The following FHIT variants were observed in gnomAD, a reference collection of about 807,000 sequenced individuals.
FHIT encodes the protein bis(5'-adenosyl)-triphosphatase.
A neutral mutation model predicts 17.9 loss-of-function variants in FHIT; 19 were observed. The observed-to-expected ratio is 1.06, with a 90% CI of 0.74 to 1.56. The LOEUF (loss-of-function observed/expected upper bound fraction) is 1.56, where lower values mean the gene tolerates loss of function less well. FHIT is among the 40% of genes most tolerant of loss of function. The probability of loss-of-function intolerance (pLI) is 0.00; values close to 1 mark genes in which losing one functional copy is unlikely to be tolerated. For synonymous variants in FHIT, 81 were observed against 69.7 expected, an observed-to-expected ratio of 1.16 and a Z score of -0.81; for missense variants, 248 against 189.2, an observed-to-expected ratio of 1.31 and a Z score of -1.82.
chr3:59,825,281 G>C (rs548160594), intron 8 of FHIT, among the ~76,000 whole-genome samples: 63 of 152,214 alleles, frequency 4.1e-4, no homozygotes, highest in Non-Finnish European at 7.5e-4. Flanking sequence ...TTTAATTTCA[G>C]ACCTTGTCAT....
intron 5 of FHIT, among the ~76,000 whole-genome samples, chr3:60,184,498 G>GT (rs1356596347): frequency 6.6e-6 from 1 of 152,054 alleles, no homozygotes; most frequent in African/African-American, 2.4e-5. Flanking sequence ...TATGTCTATG[G>GT]TTTTTTGGGA....
intron 4 of FHIT, among the ~76,000 whole-genome samples, chr3:60,599,164 C>T (rs2107710246): frequency 6.6e-6 from 1 of 152,204 alleles, no homozygotes; most frequent in Admixed American, 6.5e-5. Flanking sequence ...CTCGATCTTA[C>T]AGAAGGGAGA....
At chr3:60,901,416 T>A (rs1706105774) in intron 3 of FHIT, among the ~76,000 whole-genome samples, 2 of 152,350 alleles carry the variant, frequency 1.3e-5, no homozygotes, top group South Asian at 4.1e-4. Context: ...AAGCCTAAGA[T>A]CTTTTATTAA....
intron 3 of FHIT, among the ~76,000 whole-genome samples, chr3:60,845,172 G>A (rs1281491824): frequency 6.6e-6 from 1 of 152,026 alleles, no homozygotes; most frequent in African/African-American, 2.4e-5. Context: ...TTGTAAAAAT[G>A]TTAGTGTTCC....
intron 5 of FHIT, among the ~76,000 whole-genome samples, chr3:60,482,653 G>A (rs1052942588): frequency 6.6e-5 from 10 of 152,054 alleles, no homozygotes; most frequent in Non-Finnish European, 1.3e-4. Flanking sequence ...CAACATATCA[G>A]AATCTCCGGG....
At chr3:60,484,287 T>C (rs2033743535) in intron 5 of FHIT, among the ~76,000 whole-genome samples, 1 of 152,162 alleles carries the variant, frequency 6.6e-6, no homozygotes, top group South Asian at 2.1e-4. Flanking sequence ...CAAACTACTA[T>C]TGACATCCCT....
intron 4 of FHIT, among the ~76,000 whole-genome samples, chr3:60,707,198 C>A (rs547014304): frequency 3.3e-5 from 5 of 152,290 alleles, no homozygotes; most frequent in Admixed American, 1.3e-4. Context: ...AGGCACTCTG[C>A]AAACCTTTTG....
intron 5 of FHIT, among the ~76,000 whole-genome samples, chr3:60,247,032 A>ACC (rs1705431437): frequency 6.6e-6 from 1 of 152,126 alleles, no homozygotes; most frequent in Admixed American, 6.6e-5. Context: ...AACATACATC[A>ACC]CTAAGAGTGA....
chr3:60,541,448 G>C (rs1484692644), intron 4 of FHIT, among the ~76,000 whole-genome samples: 1 of 152,110 alleles, frequency 6.6e-6, no homozygotes, highest in African/African-American at 2.4e-5. Context: ...GTACCACTTT[G>C]ATTTTTTGCT....
intron 3 of FHIT, among the ~76,000 whole-genome samples, chr3:60,995,047 G>A (rs578116220): frequency 3.3e-4 from 51 of 152,310 alleles, no homozygotes; most frequent in Middle Eastern, 3.4e-3. Context: ...CCAGCCAGGC[G>A]CGGTGGCTCA....
intron 5 of FHIT, among the ~76,000 whole-genome samples, chr3:60,247,212 T>C (rs985755853): frequency 1.7e-5 from 2 of 115,210 alleles, no homozygotes; most frequent in Non-Finnish European, 3.7e-5. Context: ...AAAACTGTTC[T>C]ACCAAGTAAG....
At chr3:59,952,827 G>A (rs928897951) in intron 7 of FHIT, among the ~76,000 whole-genome samples, 1 of 152,118 alleles carries the variant, frequency 6.6e-6, no homozygotes, top group Non-Finnish European at 1.5e-5. Context: ...TTATCCATTA[G>A]GGTCACACTC....
intron 3 of FHIT, among the ~76,000 whole-genome samples, chr3:60,882,369 C>G (rs1553758141): frequency 6.6e-6 from 1 of 152,052 alleles, no homozygotes; most frequent in African/African-American, 2.4e-5. Context: ...TTCTTTCAAG[C>G]TGATTCTACA....
At chr3:60,317,455 C>T (rs1709214685) in intron 5 of FHIT, among the ~76,000 whole-genome samples, 4 of 151,226 alleles carry the variant, frequency 2.6e-5, no homozygotes. Flanking sequence ...CCCCAGATCT[C>T]ATAAAATATT....
intron 8 of FHIT, among the ~76,000 whole-genome samples, chr3:59,813,715 G>T (rs1700488636): frequency 6.6e-6 from 1 of 152,162 alleles, no homozygotes; most frequent in Non-Finnish European, 1.5e-5. Flanking sequence ...GGGGAAGCTT[G>T]TCTTCCCCAC....
chr3:61,064,882 A>C (rs926118346), intron 2 of FHIT, among the ~76,000 whole-genome samples: 3 of 152,128 alleles, frequency 2.0e-5, no homozygotes, highest in African/African-American at 7.2e-5. Flanking sequence ...GCATGTGCCC[A>C]AGTCTAACAC....
intron 7 of FHIT, among the ~76,000 whole-genome samples, chr3:59,969,517 T>A (rs1441153870): frequency 6.6e-6 from 1 of 152,104 alleles, no homozygotes; most frequent in African/African-American, 2.4e-5. Context: ...GAAGTGCTTG[T>A]TTGCTTTTCA....
At chr3:60,978,575 C>T (rs1710362203) in intron 3 of FHIT, among the ~76,000 whole-genome samples, 1 of 152,146 alleles carries the variant, frequency 6.6e-6, no homozygotes, top group Non-Finnish European at 1.5e-5. Context: ...GTTGGAATTC[C>T]AACTCTGCAA....
chr3:60,366,092 T>G (rs1331291696), intron 5 of FHIT, among the ~76,000 whole-genome samples: 1 of 152,234 alleles, frequency 6.6e-6, no homozygotes, highest in Non-Finnish European at 1.5e-5. Flanking sequence ...ATTTTTGTTT[T>G]CAGAAAATGA....
Sources: gnomAD v4.1 joint callset for allele counts (sites outside exome capture counted in the v4.1 genomes callset) on GRCh38, gnomAD v4.1.1 for gene constraint, MANE v1.5 for transcripts, NCBI Gene and HGNC (gene_info 2026-07-23, HGNC 2026-07-21) for gene names.